The following BCOR variants were observed in gnomAD, a reference collection of about 807,000 sequenced individuals.
BCOR encodes the protein BCL6 corepressor.
In BCOR, 10 loss-of-function variants were observed where a neutral mutation model predicts 86.7. The observed-to-expected ratio is 0.12, with a 90% CI of 0.07 to 0.20. The LOEUF is 0.20. Among genes scored for constraint, BCOR ranks in the 10% least tolerant of loss-of-function variants. The pLI, the probability that BCOR is intolerant of heterozygous loss-of-function variation, is 1.00. For synonymous variants in BCOR, 611 were observed against 609.0 expected (o/e 1.00, Z -0.05); for missense variants, 1,259 against 1,452.1 (o/e 0.87, Z 2.16).
At chrX:40,111,528 G>A (rs1341508007) in intron 1 of BCOR, among the ~76,000 whole-genome samples, 1 of 112,044 alleles carries the variant, frequency 8.9e-6, no homozygotes, top group Non-Finnish European at 1.9e-5. Context: ...CAGTGACATT[G>A]ATGGCACATG....
At chrX:40,122,567 T>C (rs1301247065) in intron 1 of BCOR, among the ~76,000 whole-genome samples, 1 of 112,056 alleles carries the variant, frequency 8.9e-6, no homozygotes, top group Non-Finnish European at 1.9e-5. Context: ...TTCTTTAATG[T>C]TATTTTACTC....
At chrX:40,083,888 G>C (rs1936229185) in intron 1 of BCOR, among the ~76,000 whole-genome samples, 1 of 111,671 alleles carries the variant, frequency 9.0e-6, no homozygotes, top group Non-Finnish European at 1.9e-5. Flanking sequence ...GCTCTCCATG[G>C]TGCCCCTTCC....
At chrX:40,060,919 C>A (rs1934834585) in intron 10 of BCOR, among the ~76,000 whole-genome samples, 1 of 112,837 alleles carries the variant, frequency 8.9e-6, no homozygotes, top group South Asian at 3.6e-4. Context: ...CCCACCCACA[C>A]AATCATGCCC....
chrX:40,160,176 C>A (rs1209795903), intron 1 of BCOR, among the ~76,000 whole-genome samples: 1 of 109,434 alleles, frequency 9.1e-6, no homozygotes. Context: ...AGCGCAGTGG[C>A]GCGATCTCGG....
chrX:40,093,760 A>C (rs957558255), intron 1 of BCOR, among the ~76,000 whole-genome samples: 4 of 111,718 alleles, frequency 3.6e-5, no homozygotes, highest in Admixed American at 2.8e-4. Context: ...GGTCTGCAGC[A>C]GTCATAGTCA....
At chrX:40,077,802 G>T in intron 2 of BCOR, 42 bp downstream of exon 2, 1 of 1,147,226 alleles carries the variant, frequency 8.7e-7, no homozygotes, top group Non-Finnish European at 1.2e-6. Context: ...TTCAGCATGG[G>T]CGTGGGCTCC....
rs1478426001 is a variant in BCOR, at chrX:40,139,486, TATATATATATA to T, written c.-41+37510_-41+37520del. Among the ~76,000 whole-genome samples, 32 of 15,984 alleles carry T rather than the reference TATATATATATA, an allele frequency of 2.0e-3. 2 individuals are homozygous for T. The highest frequency in any genetic ancestry group is 3.4e-3 in the South Asian group (1 of 291). 13.9% of individuals were successfully genotyped at this position (15,984 alleles called of 115,157 possible). A position where few individuals can be genotyped will look rare whatever the true frequency, so the allele number is the denominator to read the frequency against. On this transcript the variant is annotated intron_variant, in intron 1 of 14. Transcript: ENST00000342274. Reference sequence around the variant, plus strand: ...ATATATATATATATATATATATATATATATATATATATTTTTTTTTTTTTTTAAGCATCAGC... The same window carrying T: ...ATATATATATATATATATATATATATTTTTTTTTTTTTTTTAAGCATCAGC...
intron 1 of BCOR, among the ~76,000 whole-genome samples, chrX:40,138,008 A>C (rs1296855004): frequency 1.8e-5 from 2 of 111,067 alleles, no homozygotes; most frequent in East Asian, 5.6e-4. Context: ...GCTAGAGTGC[A>C]ATGGCGCTAT....
chrX:40,102,479 T>C (rs1189536213), upstream of BCOR, among the ~76,000 whole-genome samples: 1 of 113,720 alleles, frequency 8.8e-6, no homozygotes, highest in Admixed American at 9.2e-5. Context: ...CTGGGCCGGG[T>C]GCTCCTGCAG....
chrX:40,079,874 T>C lies in BCOR; in HGVS notation c.-40-1905A>G, dbSNP rs140746174. ...GCAGTGTCCCCTCTCCGGCCCCTGC[T>C]GCCCTTTCTAACAAAAGGAAGACAT... On this transcript the variant is annotated intron_variant, in intron 1 of 14. Transcript: ENST00000378444. Among the ~76,000 whole-genome samples the C allele has an allele frequency of 8.1e-4, 89 of 109,936 alleles. 1 individual carries two copies. In the East Asian group the frequency reaches 0.025, roughly 31 times the overall value.
chrX:40,110,661 C>CTT (rs1569182584), intron 1 of BCOR, among the ~76,000 whole-genome samples: 1 of 24,672 alleles, frequency 4.1e-5, no homozygotes. Flanking sequence ...TTCTTTTTTC[C>CTT]TTTTTCTTTT....
In BCOR at chrX:40,074,499, C is replaced by T. The variant is rs367848648; in HGVS notation, c.847G>A (p.Ala283Thr). Residue 283 changes from alanine to threonine, a missense_variant, in exon 4 of 15, where the codon GCA becomes ACA. Transcript: ENST00000378444. The part of the protein sequence containing the change: ...SPAIPPLVHC[A>T]DKSLPWKMGV... ...ATCTTCCACGGGAGGCTTTTGTCTG[C>T]GCAATGGACGAGAGGCGGGATGGCT... The T allele has an allele frequency of 1.3e-5, 16 of 1,204,577 alleles. No homozygotes were observed. The African/African-American group carries it at 1.6e-4, about 12-fold the overall frequency.
intron 8 of BCOR, 28 bp from the exon 9 acceptor site, chrX:40,063,099 CGGGCGGATGGG>C: frequency 4.2e-6 from 2 of 474,568 alleles, no homozygotes; most frequent in Non-Finnish European, 5.4e-6. Flanking sequence ...GACGGGGTGG[CGGGCGGATGGG>C]AGACGGGAGA....
rs368939471 is a variant in BCOR at position 40,074,695 on chromosome X, C to T, written c.651G>A (p.Met217Ile). 46 of 1,209,798 alleles carry T rather than the reference C, an allele frequency of 3.8e-5. No homozygotes were observed. Among genetic ancestry groups the T allele is most frequent in the Non-Finnish European group, 4.6e-5 (41 of 895,148 alleles). Residue 217 changes from methionine to isoleucine, a missense_variant, in exon 4 of 15, where the codon ATG (methionine) becomes ATA (isoleucine). By Grantham distance (10) the Met-to-Ile change is conservative. Coordinates refer to ENST00000378444, the MANE Select transcript of BCOR (RefSeq NM_001123385.2). ...ACTGCTGAGGTAGCAAGGCCTTGTA[C>T]ATGTTCAGTGAATACTTATTTGGCG... is the stretch of plus-strand genomic sequence containing the variant. ...LDSPNKYSLNMYKALLPQQSY... is the reference protein window; with the variant it reads ...LDSPNKYSLNIYKALLPQQSY...
intron 1 of BCOR, among the ~76,000 whole-genome samples, chrX:40,157,900 G>C (rs775600738): frequency 8.9e-6 from 1 of 112,800 alleles, no homozygotes; most frequent in Non-Finnish European, 1.9e-5. Flanking sequence ...CTTTACTAGA[G>C]AATACCGTGG....
chrX:40,149,156 C>T lies in BCOR; in HGVS notation c.-41+27851G>A, dbSNP rs150007826. ...TTTCAGAGATCTCGTATCCTCTGCT[C>T]TGCTCCGCTCCGCTCAGCTCTCTTC... is the stretch of plus-strand genomic sequence containing the variant. On this transcript the variant is annotated intron_variant, in intron 1 of 14. Transcript: ENST00000342274. Among the ~76,000 whole-genome samples the T allele has an allele frequency of 3.6e-4, 39 of 109,216 alleles. No homozygotes were observed. In the East Asian group the frequency reaches 9.2e-3, roughly 26 times the overall value. The allele number at this position is 109,216 out of a possible 115,157, so 94.8% of individuals were successfully genotyped here. A position where few individuals can be genotyped will look rare whatever the true frequency, so the allele number is the denominator to read the frequency against.
chrX:40,134,272 C>T (rs1937639068), intron 1 of BCOR, among the ~76,000 whole-genome samples: 1 of 109,963 alleles, frequency 9.1e-6, no homozygotes, highest in South Asian at 3.9e-4. Flanking sequence ...GGTCAGGGGA[C>T]TTGAAGTCTG....
At chrX:40,065,101 G>A (rs1180325721) in intron 6 of BCOR, among the ~76,000 whole-genome samples, 7 of 111,577 alleles carry the variant, frequency 6.3e-5, no homozygotes, top group Non-Finnish European at 1.3e-4. Flanking sequence ...AGGCCAACCG[G>A]GGAGATGAAA....
intron 1 of BCOR, among the ~76,000 whole-genome samples, chrX:40,120,695 C>A (rs1242271326): frequency 8.9e-6 from 1 of 111,858 alleles, no homozygotes; most frequent in Non-Finnish European, 1.9e-5. Context: ...TCCCGACACA[C>A]CCCAGGAAAC....
Sources: gnomAD v4.1 joint callset for allele counts (sites outside exome capture counted in the v4.1 genomes callset) on GRCh38, gnomAD v4.1.1 for gene constraint, MANE v1.5 for transcripts, NCBI Gene and HGNC (gene_info 2026-07-23, HGNC 2026-07-21) for gene names.